The following CD2AP variants were observed in gnomAD, a reference collection of about 807,000 sequenced individuals.
The protein encoded by CD2AP is CD2 associated protein.
Under a neutral mutation model 85.1 loss-of-function variants are expected in CD2AP, and 46 were observed. The ratio of observed to expected loss-of-function variants is 0.54; its 90% CI spans 0.43 to 0.69. The LOEUF (loss-of-function observed/expected upper bound fraction) is 0.69. Ranked by LOEUF, CD2AP falls within the 30% of genes least tolerant of loss-of-function variation. The probability of loss-of-function intolerance (pLI) is 0.00; values close to 1 mark genes in which losing one functional copy is unlikely to be tolerated. For missense variants in CD2AP, 769 were observed against 729.5 expected (o/e 1.05, Z -0.62); for synonymous variants, 255 against 252.9 (o/e 1.01, Z -0.08).
At chr6:47,608,463 T>C (rs1374280483) in intron 15 of CD2AP, among the ~76,000 whole-genome samples, 1 of 152,134 alleles carries the variant, frequency 6.6e-6, no homozygotes, top group Non-Finnish European at 1.5e-5. Flanking sequence ...TGTCAAAATT[T>C]TTACCATTTT....
rs192187962 is a variant in CD2AP at position 47,597,237 on chromosome 6, T to A, written c.1274+1211T>A. 9.3e-5 allele frequency among the ~76,000 whole-genome samples: 14 copies of A among 150,918 alleles called. 1 individual carries two copies. In the East Asian group the frequency reaches 1.9e-3, roughly 21 times the overall value. ...GACCTGTTTGTGCTGCTAGGCATCA[T>A]GGAGAAAGCAGCAGACGAAGAGGTG... is the stretch of plus-strand genomic sequence containing the variant. On this transcript the variant is annotated intron_variant, in intron 12 of 17. Transcript: ENST00000359314.
At chr6:47,480,604 A>T (rs1335984713) in intron 1 of CD2AP, among the ~76,000 whole-genome samples, 2 of 152,210 alleles carry the variant, frequency 1.3e-5, no homozygotes, top group East Asian at 3.8e-4. Context: ...AATGGAATAA[A>T]ATATCAACCT....
At chr6:47,577,378 T>A (rs75810872) in intron 8 of CD2AP, among the ~76,000 whole-genome samples, 132 of 152,246 alleles carry the variant, frequency 8.7e-4, no homozygotes, top group East Asian at 5.0e-3. Context: ...ACTTTTTTTT[T>A]AAAATTAACC....
intron 14 of CD2AP, among the ~76,000 whole-genome samples, chr6:47,607,252 A>G (rs1452105665): frequency 6.6e-6 from 1 of 152,094 alleles, no homozygotes; most frequent in Non-Finnish European, 1.5e-5. Flanking sequence ...TATTCTTGTG[A>G]ATAGTGCTAC....
At chr6:47,542,731 A>T (rs1767249422) in intron 3 of CD2AP, among the ~76,000 whole-genome samples, 1 of 152,224 alleles carries the variant, frequency 6.6e-6, no homozygotes, top group South Asian at 2.1e-4. Flanking sequence ...AGCAGCACAA[A>T]TAAACCATAT....
chr6:47,624,445 G>A lies in CD2AP; in HGVS notation c.*218G>A. On this transcript the variant is annotated 3_prime_UTR_variant, in exon 18 of 18. Transcript: ENST00000359314. Reference sequence around the variant, plus strand: ...GAGGCCTTATTTCTTAACTGTGCTGGGATTGCAAACACTTTTTAAAAAATT... The same window carrying A: ...GAGGCCTTATTTCTTAACTGTGCTGAGATTGCAAACACTTTTTAAAAAATT... 1 of 497,484 alleles carries A rather than the reference G, an allele frequency of 2.0e-6. No individual in the cohort carries two copies. Among genetic ancestry groups the A allele is most frequent in the South Asian group, 3.2e-5 (1 of 30,888 alleles). The allele number at this position is 497,484 out of a possible 1,614,324, so 30.8% of individuals were successfully genotyped here. A position where few individuals can be genotyped will look rare whatever the true frequency, so the allele number is the denominator to read the frequency against.
intron 9 of CD2AP, 138 bp downstream of exon 9, chr6:47,579,627 T>C: frequency 4.7e-6 from 3 of 639,878 alleles, no homozygotes; most frequent in South Asian, 1.9e-5. Context: ...GTAGGAGTTA[T>C]TTGAGTTATA....
intron 2 of CD2AP, among the ~76,000 whole-genome samples, chr6:47,516,840 T>C (rs1478253876): frequency 2.0e-5 from 3 of 152,220 alleles, no homozygotes; most frequent in African/African-American, 7.2e-5. Flanking sequence ...TCAACTGTTA[T>C]TCTTTATTAA....
chr6:47,580,631 T>C (rs1768451940), intron 9 of CD2AP, among the ~76,000 whole-genome samples: 1 of 152,188 alleles, frequency 6.6e-6, no homozygotes, highest in Non-Finnish European at 1.5e-5. Context: ...CACTGAAATA[T>C]GGATTGAGAT....
chr6:47,552,367 G>T (rs528429558), intron 4 of CD2AP, among the ~76,000 whole-genome samples: 2 of 151,586 alleles, frequency 1.3e-5, no homozygotes, highest in Non-Finnish European at 2.9e-5. Flanking sequence ...TCATAGCTTA[G>T]CTCCCACATA....
At chr6:47,611,527 A>G (rs565482675) in intron 16 of CD2AP, among the ~76,000 whole-genome samples, 1 of 152,018 alleles carries the variant, frequency 6.6e-6, no homozygotes, top group South Asian at 2.1e-4. Context: ...CTAAGAAATT[A>G]TTGCCAAGAA....
intron 2 of CD2AP, among the ~76,000 whole-genome samples, chr6:47,513,401 G>A (rs773222320): frequency 7.9e-5 from 12 of 152,086 alleles, no homozygotes; most frequent in Non-Finnish European, 1.6e-4. Flanking sequence ...GTTATTATTT[G>A]TTTTCGTTTA....
intron 11 of CD2AP, among the ~76,000 whole-genome samples, chr6:47,595,422 A>T (rs1768913737): frequency 6.6e-6 from 1 of 151,756 alleles, no homozygotes; most frequent in Admixed American, 6.6e-5. Context: ...CATGCTTTTT[A>T]AATTTGAATG....
At chr6:47,577,660 A>G (rs956877706) in intron 8 of CD2AP, among the ~76,000 whole-genome samples, 2 of 152,216 alleles carry the variant, frequency 1.3e-5, no homozygotes, top group South Asian at 2.1e-4. Flanking sequence ...AGAATCCTAT[A>G]ATAACTAGTA....
At chr6:47,604,892 G>A (rs1769228547) in intron 13 of CD2AP, among the ~76,000 whole-genome samples, 1 of 151,916 alleles carries the variant, frequency 6.6e-6, no homozygotes. Context: ...AACACACAAA[G>A]AAATTGCTAG....
intron 2 of CD2AP, among the ~76,000 whole-genome samples, chr6:47,508,563 T>G (rs1254363808): frequency 7.8e-5 from 10 of 128,184 alleles, no homozygotes; most frequent in South Asian, 7.2e-4. Context: ...TTTTTTTTTT[T>G]GGGACGGAGT....
At chr6:47,510,808 C>T (rs184699894) in intron 2 of CD2AP, among the ~76,000 whole-genome samples, 103 of 152,174 alleles carry the variant, frequency 6.8e-4, no homozygotes, top group African/African-American at 2.2e-3. Flanking sequence ...GGCGCGGTGG[C>T]TCATGCCTGT....
chr6:47,615,796 T>TTA (rs1561834863), intron 17 of CD2AP, among the ~76,000 whole-genome samples: 1,989 of 121,516 alleles, frequency 0.016, 22 homozygotes, highest in African/African-American at 0.041. Context: ...TAATTTAATT[T>TTA]ATTTATTTAT....
intron 2 of CD2AP, among the ~76,000 whole-genome samples, chr6:47,518,984 T>C (rs1011837867): frequency 6.6e-6 from 1 of 152,222 alleles, no homozygotes; most frequent in African/African-American, 2.4e-5. Flanking sequence ...TTCAGTTGTT[T>C]TATTCTTATC....
Sources: allele counts gnomAD v4.1 joint callset (sites outside exome capture counted in the v4.1 genomes callset), GRCh38; gene constraint gnomAD v4.1.1; transcripts MANE v1.5; gene names NCBI Gene and HGNC (gene_info 2026-07-23, HGNC 2026-07-21).